CHCHD3: variants seen among roughly 807,000 people sequenced by gnomAD.
CHCHD3 encodes MICOS complex subunit MIC19.
In CHCHD3, 20 loss-of-function variants were observed where a neutral mutation model predicts 38.2. The observed-to-expected ratio is 0.52, with a 90% CI of 0.37 to 0.76. The LOEUF is 0.76. Ranked by LOEUF, CHCHD3 falls within the 30% of genes least tolerant of loss-of-function variation. The pLI is 0.00. For missense variants in CHCHD3, 245 were observed against 279.2 expected, an observed-to-expected ratio of 0.88 and a Z score of 0.87; for synonymous variants, 82 against 100.0, an observed-to-expected ratio of 0.82 and a Z score of 1.07.
chr7:132,907,673 G>C (rs543825726), intron 4 of CHCHD3, among the ~76,000 whole-genome samples: 2 of 152,226 alleles, frequency 1.3e-5, no homozygotes, highest in East Asian at 1.9e-4. Context: ...GCCATGGGGG[G>C]GCCGCTAAAG....
At chr7:133,049,660 T>C (rs893206465) in intron 2 of CHCHD3, among the ~76,000 whole-genome samples, 2 of 152,176 alleles carry the variant, frequency 1.3e-5, no homozygotes, top group African/African-American at 2.4e-5. Flanking sequence ...GAAAGATGTT[T>C]CAAAAAAATA....
chr7:132,941,858 T>C (rs992603095), intron 4 of CHCHD3, among the ~76,000 whole-genome samples: 11 of 152,158 alleles, frequency 7.2e-5, no homozygotes, highest in South Asian at 2.1e-4. Flanking sequence ...CTGATTAACA[T>C]TGTCAAAAAT....
At chr7:132,845,864 A>C (rs1808064772) in intron 5 of CHCHD3, among the ~76,000 whole-genome samples, 1 of 152,210 alleles carries the variant, frequency 6.6e-6, no homozygotes, top group Admixed American at 6.5e-5. Context: ...GTTATTTTTT[A>C]AACTGATGTT....
At chr7:132,858,889 T>G (rs1444456967) in intron 5 of CHCHD3, among the ~76,000 whole-genome samples, 3 of 152,112 alleles carry the variant, frequency 2.0e-5, no homozygotes, top group African/African-American at 7.2e-5. Context: ...TGACAATAAC[T>G]CCATCAGGTT....
In CHCHD3 at chr7:132,885,742, T is replaced by C. The variant is rs2117175584; in HGVS notation, c.373A>G (p.Arg125Gly). 2 of 1,606,724 alleles carry C rather than the reference T, an allele frequency of 1.2e-6. No individual in the cohort carries two copies. The highest frequency in any genetic ancestry group is 1.1e-5 in the South Asian group (1 of 89,780). The change falls in exon 5 of 8, where the codon AGG (arginine) becomes GGG (glycine). Residue 125 changes from arginine (R) to glycine (G), a missense_variant. Transcript: ENST00000262570. ...ACTCGGTCTTTCTCTTCCAGCTGCC[T>C]AGCCTAAAAAAAGAAATGAGGAATA... ...EERAKAKHLARQLEEKDRVLK... is the reference protein window; with the variant it reads ...EERAKAKHLAGQLEEKDRVLK...
rs1425237938 is a variant in CHCHD3 at position 132,984,103 on chromosome 7, C to G, written c.252-8817G>C. On this transcript the variant is annotated intron_variant, in intron 3 of 7. Transcript: ENST00000262570. Reference sequence around the variant, plus strand: ...CTCCCTCTCTTTCCACGGTCTCCCCCTGATGCCGAGCCAAAGCTGGACTGT... The same window carrying G: ...CTCCCTCTCTTTCCACGGTCTCCCCGTGATGCCGAGCCAAAGCTGGACTGT... 6.4e-5 allele frequency among the ~76,000 whole-genome samples: 9 copies of G among 141,530 alleles called. No individual in the cohort carries two copies. The East Asian group carries it at 1.5e-3, about 23-fold the overall frequency. 92.8% of individuals were successfully genotyped at this position (141,530 alleles called of 152,430 possible).
chr7:133,059,266 G>A (rs922831920), intron 2 of CHCHD3, among the ~76,000 whole-genome samples: 3 of 152,128 alleles, frequency 2.0e-5, no homozygotes, highest in African/African-American at 4.8e-5. Context: ...AGAGAGCAGC[G>A]GGTTCTACTA....
chr7:133,010,720 G>A (rs772955170), intron 3 of CHCHD3, among the ~76,000 whole-genome samples: 45 of 151,960 alleles, frequency 3.0e-4, no homozygotes, highest in African/African-American at 8.2e-4. Flanking sequence ...CTGGGACTAC[G>A]GATGCCTGCC....
At chr7:133,018,782 T>C (rs901645378) in intron 3 of CHCHD3, among the ~76,000 whole-genome samples, 2 of 151,844 alleles carry the variant, frequency 1.3e-5, no homozygotes, top group Non-Finnish European at 2.9e-5. Flanking sequence ...AAAAAGGTTA[T>C]CATGATTTTC....
chr7:133,010,904 C>CTGTTTCTTGTCT (rs1812852453), intron 3 of CHCHD3, among the ~76,000 whole-genome samples: 1 of 151,746 alleles, frequency 6.6e-6, no homozygotes, highest in Admixed American at 6.6e-5. Context: ...AGGAGACAGA[C>CTGTTTCTTGTCT]AAGAAACAGA....
At chr7:132,878,003 G>A (rs1242377637) in intron 5 of CHCHD3, among the ~76,000 whole-genome samples, 6 of 152,048 alleles carry the variant, frequency 3.9e-5, no homozygotes, top group East Asian at 1.9e-4. Flanking sequence ...AAAGCACGTC[G>A]CAGGGGGGAA....
chr7:132,896,044 A>T (rs1174422582), intron 4 of CHCHD3, among the ~76,000 whole-genome samples: 2 of 152,198 alleles, frequency 1.3e-5, no homozygotes, highest in African/African-American at 4.8e-5. Flanking sequence ...ATGTCTGTAC[A>T]TATTGTAGAT....
intron 6 of CHCHD3, among the ~76,000 whole-genome samples, chr7:132,824,863 A>T (rs991655243): frequency 6.6e-6 from 1 of 152,182 alleles, no homozygotes; most frequent in African/African-American, 2.4e-5. Context: ...TCACCTCTTC[A>T]TGCAATCCAG....
At chr7:132,892,879 T>C (rs1809400566) in intron 4 of CHCHD3, among the ~76,000 whole-genome samples, 1 of 152,156 alleles carries the variant, frequency 6.6e-6, no homozygotes, top group African/African-American at 2.4e-5. Flanking sequence ...CCACCTAGAT[T>C]TCAGAGGATG....
intron 3 of CHCHD3, among the ~76,000 whole-genome samples, chr7:133,010,867 C>A (rs538808912): frequency 1.3e-5 from 2 of 152,162 alleles, no homozygotes; most frequent in South Asian, 4.2e-4. Context: ...GCATGCCCAG[C>A]CCTCATAAAC....
chr7:132,934,491 T>C (rs1810589522), intron 4 of CHCHD3, among the ~76,000 whole-genome samples: 2 of 152,152 alleles, frequency 1.3e-5, no homozygotes, highest in African/African-American at 4.8e-5. Context: ...TTCATATGCT[T>C]ACCTGATTCT....
At chr7:133,057,729 G>A (rs1190828249) in intron 2 of CHCHD3, among the ~76,000 whole-genome samples, 1 of 151,964 alleles carries the variant, frequency 6.6e-6, no homozygotes, top group East Asian at 1.9e-4. Context: ...TGTCAGTAGA[G>A]GTATGTTTAA....
chr7:132,940,600 G>A (rs754179917), intron 4 of CHCHD3, among the ~76,000 whole-genome samples: 1 of 152,130 alleles, frequency 6.6e-6, no homozygotes, highest in African/African-American at 2.4e-5. Context: ...CTTTAATATA[G>A]TTTCTACTTT....
At chr7:132,879,810 A>C (rs2117164908) in intron 5 of CHCHD3, among the ~76,000 whole-genome samples, 1 of 149,580 alleles carries the variant, frequency 6.7e-6, no homozygotes, top group Non-Finnish European at 1.5e-5. Context: ...TAATCAAAGT[A>C]TGAGCAAGTG....
Sources: allele counts gnomAD v4.1 joint callset (sites outside exome capture counted in the v4.1 genomes callset), GRCh38; gene constraint gnomAD v4.1.1; transcripts MANE v1.5; gene names NCBI Gene and HGNC (gene_info 2026-07-23, HGNC 2026-07-21).